COL4A3: variants seen among roughly 807,000 people sequenced by gnomAD.
COL4A3 encodes collagen type IV alpha 3 chain.
A neutral mutation model predicts 217.4 loss-of-function variants in COL4A3; 135 were observed. The ratio of observed to expected loss-of-function variants is 0.62; its 90% CI spans 0.54 to 0.72. The LOEUF is 0.72. Ranked by LOEUF, COL4A3 falls within the 30% of genes least tolerant of loss-of-function variation. The pLI is 0.00. For synonymous variants in COL4A3, 690 were observed against 736.3 expected, an observed-to-expected ratio of 0.94 and a Z score of 1.02; for missense variants, 1,868 against 2,119.9, an observed-to-expected ratio of 0.88 and a Z score of 2.33.
chr2:227,289,215 C>T lies in COL4A3; in HGVS notation c.2947C>T (p.Leu983Phe). 1 of 1,613,762 alleles carries T rather than the reference C, an allele frequency of 6.2e-7. No homozygotes were observed. The highest frequency in any genetic ancestry group is 1.1e-5 in the South Asian group (1 of 91,010). Residue 983 changes from leucine to phenylalanine, a missense_variant, in exon 35 of 52, where the codon CTC (leucine) becomes TTC (phenylalanine). Leu to Phe is a conservative substitution (Grantham distance 22, BLOSUM62 0). Around this residue, in one of 2 missense-constraint regions of COL4A3, gnomAD observed 1,503 missense variants for 1,786.1 expected, o/e 0.84. Coordinates refer to ENST00000396578, the MANE Select transcript of COL4A3 (RefSeq NM_000091.5). ...GVPGMPGLKG[L>F]KGLPGPAGPP... ...TCCAGGGATGCCAGGTTTAAAGGGC[C>T]TCAAAGGACTACCCGGACCAGCAGG...
At chr2:227,264,513 GA>G (rs2070775429) in intron 21 of COL4A3, among the ~76,000 whole-genome samples, 1 of 152,174 alleles carries the variant, frequency 6.6e-6, no homozygotes, top group Non-Finnish European at 1.5e-5. Context: ...AGATGACAGA[GA>G]TGTGGCCCAA....
At position 227,186,244 on chromosome 2, in the gene COL4A3, C is replaced by T. The variant is rs77539131; in HGVS notation, c.87+21431C>T. Reference sequence around the variant, plus strand: ...CACAGCACTGTTGAATAAGATAACGCGCATTACATAATGAGAAGTCAAAGA... The same window carrying T: ...CACAGCACTGTTGAATAAGATAACGTGCATTACATAATGAGAAGTCAAAGA... On this transcript the variant is annotated intron_variant, in intron 1 of 51. Transcript: ENST00000396578. Among the ~76,000 whole-genome samples, 46 of 152,184 alleles carry T rather than the reference C, an allele frequency of 3.0e-4. 1 individual carries two copies. The East Asian group carries it at 7.5e-3, about 25-fold the overall frequency.
intron 42 of COL4A3, 104 bp from the exon 43 acceptor site, chr2:227,298,578 C>A: frequency 6.8e-7 from 1 of 1,477,538 alleles, no homozygotes; most frequent in Non-Finnish European, 9.4e-7. Context: ...ATGTTTGTGG[C>A]AATGCTAAGT....
rs915750194 is a variant in COL4A3 at position 227,311,914 on chromosome 2, C to G, written c.*44C>G. ...AACTGCTATTTTTCATCCTAAAGAACAAAGTAATGACAGAACATGCTGTTA... is the reference window on the plus strand; with the variant it reads ...AACTGCTATTTTTCATCCTAAAGAAGAAAGTAATGACAGAACATGCTGTTA... On this transcript the variant is annotated 3_prime_UTR_variant, in exon 52 of 52. Coordinates refer to ENST00000396578, the MANE Select transcript of COL4A3 (RefSeq NM_000091.5). The G allele has an allele frequency of 6.2e-6, 10 of 1,611,190 alleles. No individual in the cohort carries two copies. In the East Asian group the frequency reaches 2.2e-4, roughly 36 times the overall value.
Position 227,264,165 on chromosome 2 carries a change from C to T in COL4A3, c.1315+221C>T, listed in dbSNP as rs566178559. ...GTCTTAGCCCGAGTTTCCCAGAGAGCAGAGTAGGAGGCAGGGACAAAGAGA... is the reference window on the plus strand; with the variant it reads ...GTCTTAGCCCGAGTTTCCCAGAGAGTAGAGTAGGAGGCAGGGACAAAGAGA... On this transcript the variant is annotated intron_variant, in intron 21 of 51. Transcript: ENST00000396578. 3.7e-4 allele frequency among the ~76,000 whole-genome samples: 57 copies of T among 152,296 alleles called. 1 individual carries two copies. In the South Asian group the frequency reaches 0.01, roughly 28 times the overall value.
intron 9 of COL4A3, among the ~76,000 whole-genome samples, chr2:227,249,212 G>GTGTGTATATATATATATA (rs1199261361): frequency 3.0e-5 from 1 of 33,218 alleles, no homozygotes; most frequent in African/African-American, 1.0e-4. Flanking sequence ...AAATTAGCTA[G>GTGTGTATATATATATATA]TATATATATA....
chr2:227,216,206 G>A (rs10182143), intron 1 of COL4A3, among the ~76,000 whole-genome samples: 1 of 152,056 alleles, frequency 6.6e-6, no homozygotes, highest in Non-Finnish European at 1.5e-5. Context: ...CTAAAAAATG[G>A]TTAAGAAGGT....
Position 227,175,456 on chromosome 2 carries a change from G to A in COL4A3, c.87+10643G>A, listed in dbSNP as rs151001918. Among the ~76,000 whole-genome samples the A allele has an allele frequency of 2.6e-5, 4 of 152,244 alleles. No homozygotes were observed. In the South Asian group the frequency reaches 8.3e-4, roughly 32 times the overall value. ...ATTGCATTCTAGCCTAGGTGACAGA[G>A]CAAGACTCCATCTCAAAAAATGAAA... is the stretch of plus-strand genomic sequence containing the variant. On this transcript the variant is annotated intron_variant, in intron 1 of 51. Transcript: ENST00000396578.
intron 18 of COL4A3, among the ~76,000 whole-genome samples, 173 bp from the exon 19 acceptor site, chr2:227,259,620 T>G (rs2070414793): frequency 6.6e-6 from 1 of 152,228 alleles, no homozygotes; most frequent in South Asian, 2.1e-4. Flanking sequence ...TTATTTAAAT[T>G]TTTCCACCTA....
At chr2:227,288,050 C>A (rs1396077959) in intron 34 of COL4A3, among the ~76,000 whole-genome samples, 1 of 152,078 alleles carries the variant, frequency 6.6e-6, no homozygotes, top group African/African-American at 2.4e-5. Flanking sequence ...TTCATGCTGC[C>A]GAAAGAGTTT....
chr2:227,269,948 T>C lies in COL4A3; in HGVS notation c.1543T>C (p.Ser515Pro). ...GAAGLKGSPG[S>P]PGNTGLPGFP... ...AGCTGGCTTGAAAGGAAGCCCAGGG[T>C]CCCCAGGAAATACAGGTCTTCCAGG... is the stretch of plus-strand genomic sequence containing the variant. The change falls in exon 24 of 52, where the codon TCC becomes CCC. Residue 515 changes from serine to proline, a missense_variant. By Grantham distance (74) the Ser-to-Pro change is moderately conservative. This residue lies in a region of COL4A3 where 1,503 missense variants were observed against 1,786.1 expected (regional missense o/e 0.84). Transcript: ENST00000396578. The C allele has an allele frequency of 6.2e-7, 1 of 1,613,868 alleles. No individual in the cohort carries two copies. The highest frequency in any genetic ancestry group is 8.5e-7 in the Non-Finnish European group (1 of 1,179,870).
chr2:227,188,204 C>T (rs1004042327), intron 1 of COL4A3, among the ~76,000 whole-genome samples: 1 of 151,826 alleles, frequency 6.6e-6, no homozygotes, highest in Non-Finnish European at 1.5e-5. Flanking sequence ...GGCTTCTTCA[C>T]TACATTGTTA....
intron 1 of COL4A3, among the ~76,000 whole-genome samples, chr2:227,196,498 T>C (rs944174245): frequency 2.0e-5 from 3 of 151,930 alleles, no homozygotes; most frequent in East Asian, 1.9e-4. Flanking sequence ...TTTGTATTTT[T>C]AGTAGAGACA....
At chr2:227,206,542 G>A (rs933392970) in intron 1 of COL4A3, among the ~76,000 whole-genome samples, 1 of 152,210 alleles carries the variant, frequency 6.6e-6, no homozygotes, top group Non-Finnish European at 1.5e-5. Flanking sequence ...GTGAGTTAGT[G>A]TGGGAACACT....
intron 1 of COL4A3, among the ~76,000 whole-genome samples, chr2:227,196,553 G>A (rs959229873): frequency 3.9e-5 from 6 of 152,014 alleles, no homozygotes; most frequent in Non-Finnish European, 5.9e-5. Context: ...TCCTGACCTC[G>A]TGATCCGCCC....
At chr2:227,294,921 A>G in intron 39 of COL4A3, 43 bp from the exon 40 acceptor site, 1 of 1,436,146 alleles carries the variant, frequency 7.0e-7, no homozygotes, top group Non-Finnish European at 9.7e-7. Context: ...CTCTTTTTGT[A>G]TACCATAGTT....
chr2:227,263,897 C>T lies in COL4A3; in HGVS notation c.1268C>T (p.Ala423Val). 1 of 1,614,202 alleles carries T rather than the reference C, an allele frequency of 6.2e-7. No homozygotes were observed. Among genetic ancestry groups the T allele is most frequent in the Non-Finnish European group, 8.5e-7 (1 of 1,180,036 alleles). ...AMGTPGSPGC[A>V]GSPGLPGSPG... ...GGGACTCCTGGGTCCCCAGGTTGTG[C>T]TGGTTCACCAGGTCTTCCAGGATCA... Residue 423 changes from alanine to valine, a missense_variant, in exon 21 of 52, where the codon GCT (alanine) becomes GTT (valine). By Grantham distance (64) the Ala-to-Val change is moderately conservative (BLOSUM62 0). This residue lies in a region of COL4A3 where 1,503 missense variants were observed against 1,786.1 expected (regional missense o/e 0.84). Transcript: ENST00000396578.
At chr2:227,222,762 C>T (rs2178631) in intron 1 of COL4A3, among the ~76,000 whole-genome samples, 76,350 of 151,822 alleles carry the variant, frequency 0.5, 19,988 homozygotes, top group Non-Finnish European at 0.59. Flanking sequence ...GCCAAAAAAC[C>T]ATGTGGAAAA....
In COL4A3 at chr2:227,312,858, C is replaced by T. The variant is rs957684432; in HGVS notation, c.*988C>T. On this transcript the variant is annotated 3_prime_UTR_variant, in exon 52 of 52. Coordinates refer to ENST00000396578, the MANE Select transcript of COL4A3 (RefSeq NM_000091.5). ...AGACTCGGAATCTATTTTCTCATTG[C>T]TCTGAATATGTCATCACTCTAGGTT... 2.6e-5 allele frequency: 4 copies of T among 151,966 alleles called. No homozygotes were observed. The highest frequency in any genetic ancestry group is 9.7e-5 in the African/African-American group (4 of 41,180). 9.4% of individuals were successfully genotyped at this position (151,966 alleles called of 1,614,324 possible).
Sources: gnomAD v4.1 joint callset for allele counts (sites outside exome capture counted in the v4.1 genomes callset) on GRCh38, gnomAD v4.1.1 for gene constraint, gnomAD v4.1.1 regional missense constraint, MANE v1.5 for transcripts, NCBI Gene and HGNC (gene_info 2026-07-23, HGNC 2026-07-21) for gene names.